KIF7: variants seen among roughly 807,000 people sequenced by gnomAD.
The protein encoded by KIF7 is kinesin-like protein KIF7.
In KIF7, 104 loss-of-function variants were observed where a neutral mutation model predicts 135.7. That is an observed-to-expected ratio of 0.77 (90% CI 0.65 to 0.90). The LOEUF (loss-of-function observed/expected upper bound fraction) is 0.90, where lower values mean the gene tolerates loss of function less well. KIF7 is among the 40% of genes least tolerant of loss of function. The probability of loss-of-function intolerance (pLI) is 0.00; values close to 1 mark genes in which losing one functional copy is unlikely to be tolerated. For missense variants in KIF7, 2,005 were observed against 1,839.1 expected, an observed-to-expected ratio of 1.09 and a Z score of -1.65; for synonymous variants, 883 against 809.4, an observed-to-expected ratio of 1.09 and a Z score of -1.54.
intron 11 of KIF7, 38 bp from the exon 12 acceptor site, chr15:89,633,921 G>T: frequency 1.2e-6 from 2 of 1,608,486 alleles, no homozygotes; most frequent in Non-Finnish European, 1.7e-6. Flanking sequence ...CATGCACGGG[G>T]CTACCGCGAG....
At chr15:89,621,681 G>A in intron 1 of KIF7, 3 of 741,468 alleles carry the variant, frequency 4.0e-6, no homozygotes, top group Admixed American at 3.1e-5. Flanking sequence ...GGAGGTGACT[G>A]GGTGGAGCCA....
chr15:89,625,642 T>C (rs117395022), downstream of KIF7: 38,703 of 1,613,530 alleles, frequency 0.024, 635 homozygotes, highest in South Asian at 0.061. Flanking sequence ...GAGAGTCCTG[T>C]TGGCCAAGGA....
downstream of KIF7, chr15:89,626,882 T>C (rs1037784767): frequency 7.1e-6 from 11 of 1,542,614 alleles, no homozygotes; most frequent in Middle Eastern, 1.7e-4. Flanking sequence ...TGTAACCCTC[T>C]GCAATTTAAG....
chr15:89,643,118 A>G (rs1201908583), intron 10 of KIF7, among the ~76,000 whole-genome samples: 1 of 152,198 alleles, frequency 6.6e-6, no homozygotes. Context: ...GACTGAGAGA[A>G]GGGAGATGTC....
At chr15:89,624,544 G>A (rs201486846), downstream of KIF7, 39 of 1,613,794 alleles carry the variant, frequency 2.4e-5, no homozygotes, top group South Asian at 1.1e-5. Context: ...TGGCACAGCT[G>A]ACAGCCCAGC....
In KIF7 at chr15:89,628,693, G is replaced by C; in HGVS notation, c.3758C>G (p.Pro1253Arg). 6.2e-7 allele frequency: 1 copy of C among 1,613,066 alleles called. No homozygotes were observed. Among genetic ancestry groups the C allele is most frequent in the South Asian group, 1.1e-5 (1 of 91,088 alleles). ...GGTGCGGGGGGCCCCCTCAGTGAGG[G>C]GGGACAGCCAGAGAAGCTCGGGTGC... Reference protein sequence around the residue: ...HLAPELLWLSPLTEGAPRTRE... With the variant: ...HLAPELLWLSRLTEGAPRTRE... The change falls in exon 19 of 19, where the codon CCC becomes CGC. Residue 1253 changes from proline (P) to arginine (R), a missense_variant. Transcript: ENST00000394412.
At chr15:89,651,202 C>A (rs928912929) in intron 2 of KIF7, among the ~76,000 whole-genome samples, 6 of 152,088 alleles carry the variant, frequency 3.9e-5, no homozygotes, top group African/African-American at 1.4e-4. Context: ...CAGGTTCAAG[C>A]GATTCCCCTG....
chr15:89,645,776 C>T, intron 8 of KIF7, 117 bp downstream of exon 8: 5 of 1,404,420 alleles, frequency 3.6e-6, no homozygotes, highest in Non-Finnish European at 4.8e-6. Flanking sequence ...TGAGGGCATC[C>T]TAGGACCCAG....
intron 10 of KIF7, among the ~76,000 whole-genome samples, chr15:89,642,684 C>T (rs1227581175): frequency 3.3e-5 from 5 of 152,226 alleles, no homozygotes; most frequent in Admixed American, 3.3e-4. Context: ...ATTCTGCTGC[C>T]TCAGCCTCCC....
In KIF7 at chr15:89,646,904, G is replaced by A; in HGVS notation, c.1714C>T (p.His572Tyr). Residue 572 changes from histidine (H) to tyrosine (Y), a missense_variant, in exon 7 of 19, where the codon CAC becomes TAC. By Grantham distance (83) the His-to-Tyr change is moderately conservative (BLOSUM62 2). Coordinates refer to ENST00000394412, the MANE Select transcript of KIF7 (RefSeq NM_198525.3). Reference sequence around the variant, plus strand: ...GGCACCATGCCCAGCACATGGGCGTGGGCACCCCCCAGGGGGGCTGTATGA... The same window carrying A: ...GGCACCATGCCCAGCACATGGGCGTAGGCACCCCCCAGGGGGGCTGTATGA... ...RPHTAPLGGA[H>Y]AHVLGMVPPA... The A allele has an allele frequency of 6.2e-7, 1 of 1,614,104 alleles. No individual in the cohort carries two copies. Among genetic ancestry groups the A allele is most frequent in the Non-Finnish European group, 8.5e-7 (1 of 1,180,016 alleles).
rs886051541 is a variant in KIF7, at chr15:89,649,274, G to A, written c.623C>T (p.Thr208Met). ...MGNAARHTGA[T>M]HLNHLSSRSH... ...GCGGCTAGACAGGTGGTTGAGGTGC[G>A]TGGCTCCCGTGTGCCGCGCCGCGTT... is the stretch of plus-strand genomic sequence containing the variant. The change falls in exon 4 of 19, where the codon ACG becomes ATG. Residue 208 changes from threonine (T) to methionine (M), a missense_variant. By Grantham distance (81) the Thr-to-Met change is moderately conservative (BLOSUM62 -1). Coordinates refer to ENST00000394412, the MANE Select transcript of KIF7 (RefSeq NM_198525.3). 10 of 1,519,232 alleles carry A rather than the reference G, an allele frequency of 6.6e-6. No individual in the cohort carries two copies. The highest frequency in any genetic ancestry group is 8.9e-6 in the Non-Finnish European group (10 of 1,128,792). The allele number at this position is 1,519,232 out of a possible 1,614,324, so 94.1% of individuals were successfully genotyped here.
At chr15:89,656,273 C>G (rs1327181807), upstream of KIF7, among the ~76,000 whole-genome samples, 1 of 151,782 alleles carries the variant, frequency 6.6e-6, no homozygotes, top group Non-Finnish European at 1.5e-5. Flanking sequence ...TGTGTTATCT[C>G]GGGGAACAGT....
At chr15:89,627,877 G>C (rs1963564635), downstream of KIF7, 2 of 152,830 alleles carry the variant, frequency 1.3e-5, no homozygotes, top group Admixed American at 6.5e-5. Flanking sequence ...ACTCTGAACT[G>C]TCTCTCAGTC....
intron 11 of KIF7, among the ~76,000 whole-genome samples, chr15:89,639,195 A>T (rs1418598191): frequency 5.3e-5 from 8 of 152,222 alleles, no homozygotes; most frequent in Admixed American, 5.2e-4. Flanking sequence ...ACTCTAGAAG[A>T]AAACCTAGGC....
downstream of KIF7, chr15:89,626,011 C>T (rs199980761): frequency 3.8e-5 from 61 of 1,613,312 alleles, no homozygotes; most frequent in East Asian, 1.6e-4. Context: ...ACCCAGTCTC[C>T]GCTGCTGTTC....
chr15:89,630,149 G>T (rs577033655), intron 16 of KIF7, 138 bp downstream of exon 16: 3 of 763,034 alleles, frequency 3.9e-6, no homozygotes, highest in Non-Finnish European at 6.5e-6. Context: ...AAGGTCAGGC[G>T]GCCCTGCAGA....
At chr15:89,624,268 T>A (rs965007109), downstream of KIF7, 1 of 1,614,152 alleles carries the variant, frequency 6.2e-7, no homozygotes, top group Non-Finnish European at 8.5e-7. Flanking sequence ...ATGTGATGTC[T>A]CCAAGAAGAG....
At chr15:89,636,907 A>C (rs974226623) in intron 11 of KIF7, among the ~76,000 whole-genome samples, 1 of 146,618 alleles carries the variant, frequency 6.8e-6, no homozygotes, top group African/African-American at 2.5e-5. Context: ...CACCTATTCC[A>C]AAATTGACCA....
At position 89,632,821 on chromosome 15, in the gene KIF7, T is replaced by C. The variant is rs1409311719; in HGVS notation, c.2894A>G (p.Gln965Arg). 1 of 1,604,304 alleles carries C rather than the reference T, an allele frequency of 6.2e-7. No individual in the cohort carries two copies. Residue 965 changes from glutamine (Q) to arginine (R), a missense_variant and splice_region_variant, in exon 14 of 19, where the codon CAG becomes CGG. By Grantham distance (43) the Gln-to-Arg change is conservative. Coordinates refer to ENST00000394412, the MANE Select transcript of KIF7 (RefSeq NM_198525.3). The part of the protein sequence containing the change: ...GLESKRLRSS[Q>R]ALNEDIVRVS... ...GGATCTCTCCTGGCAGGGCCTCACC[T>C]GGCTGGATCTCAGGCGCTTGCTCTC...
Sources: allele counts gnomAD v4.1 joint callset (sites outside exome capture counted in the v4.1 genomes callset), GRCh38; gene constraint gnomAD v4.1.1; transcripts MANE v1.5; gene names NCBI Gene and HGNC (gene_info 2026-07-23, HGNC 2026-07-21).